ZNF425: variants seen among roughly 807,000 people sequenced by gnomAD.
The protein encoded by ZNF425 is zinc finger protein 425.
A neutral mutation model predicts 17.0 loss-of-function variants in ZNF425; 21 were observed. The ratio of observed to expected loss-of-function variants is 1.23; its 90% CI spans 0.88 to 1.78. The LOEUF (loss-of-function observed/expected upper bound fraction) is 1.78. ZNF425 is among the 40% of genes most tolerant of loss of function. ZNF425 has a pLI of 0.00. For synonymous variants in ZNF425, 433 were observed against 384.1 expected (o/e 1.13, Z -1.49); for missense variants, 868 against 967.3 (o/e 0.90, Z 1.36).
Position 149,105,492 on chromosome 7 carries a change from C to CA in ZNF425, c.378dup (p.Ala127CysfsTer30), listed in dbSNP as rs1272320595. The CA allele has an allele frequency of 2.0e-6, 3 of 1,521,274 alleles. No homozygotes were observed. The highest frequency in any genetic ancestry group is 2.6e-6 in the Non-Finnish European group (3 of 1,138,544). 94.2% of individuals were successfully genotyped at this position (1,521,274 alleles called of 1,614,324 possible). A position where few individuals can be genotyped will look rare whatever the true frequency, so the allele number is the denominator to read the frequency against. ...ATCTTTCTCTCTTTCCCTCGTAAGG[C>CA]AGCACACAAGTCCTGTTTTTGAGGA... On this transcript the variant is annotated frameshift_variant, in exon 4 of 4. Transcript: ENST00000378061. LOFTEE classifies it low-confidence loss of function (END_TRUNC).
intron 3 of ZNF425, among the ~76,000 whole-genome samples, chr7:149,107,598 A>C (rs13221511): frequency 0.053 from 7,994 of 151,944 alleles, 222 homozygotes; most frequent in Middle Eastern, 0.075. Context: ...TGGCTTCCCA[A>C]AGTGCTGGGA....
chr7:149,112,182 CAGT>C lies in ZNF425; in HGVS notation c.256_258del (p.Thr86del). The C allele has an allele frequency of 6.2e-7, 1 of 1,614,144 alleles. No homozygotes were observed. The highest frequency in any genetic ancestry group is 8.5e-7 in the Non-Finnish European group (1 of 1,179,998). Reference sequence around the variant, plus strand: ...GTATTCTTCATGTTCAACTGTTCATCAGTAGGAGGGCTAGTTGTCCTTCTTGTT... The same window carrying C: ...GTATTCTTCATGTTCAACTGTTCATCAGGAGGGCTAGTTGTCCTTCTTGTT... On this transcript the variant is annotated inframe_deletion, in exon 3 of 4. Coordinates refer to ENST00000378061, the MANE Select transcript of ZNF425 (RefSeq NM_001001661.3).
intron 1 of ZNF425, chr7:149,125,829 G>A (rs1467829846): frequency 1.5e-5 from 6 of 401,684 alleles, no homozygotes; most frequent in Non-Finnish European, 2.7e-5. Flanking sequence ...GAACCTGGTG[G>A]TCCCCGCTCC....
chr7:149,104,012 C>A lies in ZNF425; in HGVS notation c.1859G>T (p.Arg620Leu). Residue 620 changes from arginine to leucine, a missense_variant, in exon 4 of 4, where the codon CGC becomes CTC. By Grantham distance (102) the Arg-to-Leu change is moderately radical (BLOSUM62 -2). Around this residue, in one of 5 missense-constraint regions of ZNF425, gnomAD observed 437 missense variants for 444.2 expected, o/e 0.98. Transcript: ENST00000378061. The surrounding 1 kb of genome is among the most constrained non-coding windows in gnomAD (Gnocchi z 4.3). ...YQCPECEKTF[R>L]LKGNLKSHLL... The stretch of plus-strand genomic sequence containing the variant: ...GTGGCTTTTCAGGTTTCCCTTGAGG[C>A]GGAAAGTCTTCTCGCATTCAGGACA... The A allele has an allele frequency of 6.2e-7, 1 of 1,613,766 alleles. No homozygotes were observed. The highest frequency in any genetic ancestry group is 8.5e-7 in the Non-Finnish European group (1 of 1,179,772).
At chr7:149,107,748 A>G (rs1170405027) in intron 3 of ZNF425, among the ~76,000 whole-genome samples, 1 of 152,062 alleles carries the variant, frequency 6.6e-6, no homozygotes, top group Non-Finnish European at 1.5e-5. Flanking sequence ...TCTGGAAAGG[A>G]CCATTGCAGA....
chr7:149,117,734 C>A (rs561502423), intron 2 of ZNF425, among the ~76,000 whole-genome samples: 4 of 142,922 alleles, frequency 2.8e-5, no homozygotes, highest in African/African-American at 8.0e-5. Context: ...CTCAATGCAA[C>A]CTCCGCCTCC....
chr7:149,124,927 G>T (rs1197518812), intron 1 of ZNF425, among the ~76,000 whole-genome samples: 1 of 152,194 alleles, frequency 6.6e-6, no homozygotes, highest in Non-Finnish European at 1.5e-5. Flanking sequence ...GGAAAATCAA[G>T]AAAACGATTT....
At chr7:149,124,196 C>A (rs1023060672) in intron 1 of ZNF425, among the ~76,000 whole-genome samples, 2 of 150,360 alleles carry the variant, frequency 1.3e-5, no homozygotes, top group Non-Finnish European at 2.9e-5. Flanking sequence ...CCCTCTGTCG[C>A]CCAGGCTGGA....
intron 2 of ZNF425, among the ~76,000 whole-genome samples, chr7:149,115,687 C>CAAAAA (rs59871764): frequency 1.7e-4 from 15 of 89,082 alleles, no homozygotes; most frequent in African/African-American, 6.0e-4. Context: ...GAGACTCCGT[C>CAAAAA]AAAAAAAAAA....
intron 3 of ZNF425, 70 bp downstream of exon 3, chr7:149,112,067 A>G: frequency 6.6e-7 from 1 of 1,509,306 alleles, no homozygotes. Context: ...TCAGATATCC[A>G]AAAAGAAAGA....
intron 1 of ZNF425, among the ~76,000 whole-genome samples, chr7:149,122,334 C>A (rs1826371533): frequency 6.6e-6 from 1 of 151,388 alleles, no homozygotes; most frequent in Admixed American, 6.6e-5. Flanking sequence ...GCAGGCTAAT[C>A]TGAAACTCCA....
intron 1 of ZNF425, among the ~76,000 whole-genome samples, chr7:149,122,442 A>G (rs1826374443): frequency 1.3e-5 from 2 of 151,898 alleles, no homozygotes; most frequent in African/African-American, 4.8e-5. Flanking sequence ...TCTAGACAGG[A>G]GTCCTTTGTC....
intron 2 of ZNF425, among the ~76,000 whole-genome samples, chr7:149,117,338 CTTTAATCTT>C (rs1826281825): frequency 6.6e-6 from 1 of 152,022 alleles, no homozygotes; most frequent in South Asian, 2.1e-4. Context: ...CCAAATTTCT[CTTTAATCTT>C]TTTAATCTAC....
At chr7:149,105,712 G>A (rs1826069943) in intron 3 of ZNF425, 146 bp from the exon 4 acceptor site, 2 of 449,054 alleles carry the variant, frequency 4.5e-6, no homozygotes, top group South Asian at 1.1e-4. Context: ...TTGCAGTGGT[G>A]CGATCTCGGC....
At chr7:149,126,111 C>T in intron 1 of ZNF425, 85 bp downstream of exon 1, 1 of 1,602,148 alleles carries the variant, frequency 6.2e-7, no homozygotes, top group Non-Finnish European at 8.5e-7. Context: ...CCCGGCCGCC[C>T]CACTCCCTGG....
intron 3 of ZNF425, chr7:149,111,912 C>T (rs758943154): frequency 1.3e-4 from 45 of 335,174 alleles, no homozygotes; most frequent in African/African-American, 2.2e-4. Context: ...GAACTCCTGA[C>T]CTCAGGTGAT....
At chr7:149,118,526 G>A in intron 1 of ZNF425, 178 bp from the exon 2 acceptor site, 1 of 730,052 alleles carries the variant, frequency 1.4e-6, no homozygotes, top group Non-Finnish European at 2.2e-6. Context: ...TAAAATGAAT[G>A]AATGGGCCGG....
At chr7:149,117,495 T>C (rs951676085) in intron 2 of ZNF425, among the ~76,000 whole-genome samples, 1 of 151,864 alleles carries the variant, frequency 6.6e-6, no homozygotes, top group African/African-American at 2.4e-5. Context: ...AATCACTCTG[T>C]CCCCTTCATG....
In ZNF425 at chr7:149,118,235, G is replaced by C; in HGVS notation, c.132C>G (p.Thr44=). 6.2e-7 allele frequency: 1 copy of C among 1,613,994 alleles called. No individual in the cohort carries two copies. Among genetic ancestry groups the C allele is most frequent in the South Asian group, 1.1e-5 (1 of 91,074 alleles). The stretch of plus-strand genomic sequence containing the variant: ...AGCTCATCTTACCCAGGGAATCAAG[G>C]GTCTCGTAATTGGTCTTCATCTCTT... ...YKQEMKTNYE[T]LDSLGYAFSK... is the part of the protein sequence containing the mutation. Residue 44 remains threonine (T), a synonymous_variant, in exon 2 of 4, where the codon ACC becomes ACG. Transcript: ENST00000378061.
Sources: allele counts gnomAD v4.1 joint callset (sites outside exome capture counted in the v4.1 genomes callset), GRCh38; gene constraint gnomAD v4.1.1; regional missense constraint gnomAD v4.1.1; non-coding constraint Gnocchi (gnomAD v3.1); transcripts MANE v1.5; gene names NCBI Gene and HGNC (gene_info 2026-07-23, HGNC 2026-07-21).